ZBTB7C: variants seen among roughly 807,000 people sequenced by gnomAD.
ZBTB7C encodes the protein zinc finger and BTB domain-containing protein 7C.
ZBTB7C carries 8 observed loss-of-function variants against 25.7 expected under a neutral mutation model. The observed-to-expected ratio is 0.31, with a 90% CI of 0.18 to 0.56. The LOEUF is 0.56. Ranked by LOEUF, ZBTB7C falls within the 20% of genes least tolerant of loss-of-function variation. ZBTB7C has a pLI of 0.91. For synonymous variants in ZBTB7C, 394 were observed against 369.0 expected (o/e 1.07, Z -0.78); for missense variants, 824 against 855.2 (o/e 0.96, Z 0.46).
At chr18:48,231,940 G>A (rs899909178) in intron 2 of ZBTB7C, among the ~76,000 whole-genome samples, 2 of 152,194 alleles carry the variant, frequency 1.3e-5, no homozygotes, top group Non-Finnish European at 2.9e-5. Context: ...CCAGTGCCTG[G>A]TGCTGCCCAC....
At chr18:48,202,359 A>C (rs984680512) in intron 2 of ZBTB7C, among the ~76,000 whole-genome samples, 13 of 152,016 alleles carry the variant, frequency 8.6e-5, no homozygotes, top group African/African-American at 3.1e-4. Flanking sequence ...TTAGAGATGG[A>C]ACTCAGAATG....
chr18:48,063,723 G>A (rs140627300), intron 3 of ZBTB7C, among the ~76,000 whole-genome samples: 132 of 152,332 alleles, frequency 8.7e-4, no homozygotes, highest in African/African-American at 2.4e-3. Flanking sequence ...CTTGAGAGGT[G>A]TATGGGGCTA....
intron 2 of ZBTB7C, among the ~76,000 whole-genome samples, chr18:48,316,881 G>A (rs1374272486): frequency 6.6e-6 from 1 of 152,210 alleles, no homozygotes; most frequent in East Asian, 1.9e-4. Flanking sequence ...CTGGGCCTCA[G>A]TTTCCGACCC....
chr18:48,153,673 G>T (rs997333132), intron 3 of ZBTB7C, among the ~76,000 whole-genome samples: 1 of 152,212 alleles, frequency 6.6e-6, no homozygotes, highest in Non-Finnish European at 1.5e-5. Flanking sequence ...AGGGGCACTG[G>T]CCACTGGCCA....
At chr18:48,199,178 A>G (rs2042380819) in intron 2 of ZBTB7C, among the ~76,000 whole-genome samples, 1 of 152,104 alleles carries the variant, frequency 6.6e-6, no homozygotes. Flanking sequence ...TATCTCTAGT[A>G]TTCTGAAATT....
intron 2 of ZBTB7C, among the ~76,000 whole-genome samples, chr18:48,304,862 A>AAAAAAAAAT: frequency 6.6e-6 from 1 of 151,484 alleles, no homozygotes; most frequent in Admixed American, 6.6e-5. Context: ...AAAAAAAAAA[A>AAAAAAAAAT]AGATAGCCTT....
In ZBTB7C at chr18:48,028,705, C is replaced by T. The variant is rs2035602265; in HGVS notation, c.*555G>A. ...GGCCCGGGCCTTCCAGAGCCTGGTTCCTGACTGGTTCCAGGAGGCCTCCCT... is the reference window on the plus strand; with the variant it reads ...GGCCCGGGCCTTCCAGAGCCTGGTTTCTGACTGGTTCCAGGAGGCCTCCCT... On this transcript the variant is annotated 3_prime_UTR_variant, in exon 5 of 5. Transcript: ENST00000590800. 6.5e-6 allele frequency: 1 copy of T among 154,580 alleles called. No individual in the cohort carries two copies. Among genetic ancestry groups the T allele is most frequent in the African/African-American group, 2.4e-5 (1 of 41,428 alleles). The allele number at this position is 154,580 out of a possible 1,614,324, so 9.6% of individuals were successfully genotyped here.
At chr18:48,267,810 G>C (rs535244781) in intron 2 of ZBTB7C, among the ~76,000 whole-genome samples, 45 of 152,308 alleles carry the variant, frequency 3.0e-4, no homozygotes, top group African/African-American at 1.1e-3. Flanking sequence ...ACAGCTGGTT[G>C]TAAGCCAGCG....
chr18:48,137,859 CCAAA>C (rs1306764359), intron 3 of ZBTB7C, among the ~76,000 whole-genome samples: 1 of 152,224 alleles, frequency 6.6e-6, no homozygotes, highest in Non-Finnish European at 1.5e-5. Context: ...AGAGGTGTGG[CCAAA>C]CACCCTCTCC....
chr18:48,123,619 T>G (rs777929234), intron 3 of ZBTB7C, among the ~76,000 whole-genome samples: 1 of 152,086 alleles, frequency 6.6e-6, no homozygotes, highest in Non-Finnish European at 1.5e-5. Flanking sequence ...CTAACAAACA[T>G]CCTGCATGTT....
At chr18:48,297,386 G>A (rs1018163988) in intron 2 of ZBTB7C, among the ~76,000 whole-genome samples, 2 of 152,116 alleles carry the variant, frequency 1.3e-5, no homozygotes, top group Admixed American at 1.3e-4. Flanking sequence ...AGAAGTCCCT[G>A]AGGGCCCGTT....
chr18:48,388,677 AG>A (rs2047807059), intron 1 of ZBTB7C, among the ~76,000 whole-genome samples: 1 of 152,198 alleles, frequency 6.6e-6, no homozygotes, highest in Non-Finnish European at 1.5e-5. Flanking sequence ...TGAGCCCAGG[AG>A]GTCAAAGCTA....
intron 2 of ZBTB7C, among the ~76,000 whole-genome samples, chr18:48,255,208 G>A (rs953973711): frequency 3.9e-5 from 6 of 152,054 alleles, no homozygotes; most frequent in African/African-American, 1.4e-4. Flanking sequence ...GGAAAATATG[G>A]CCCATATTAA....
At chr18:48,098,163 T>A (rs143783190) in intron 3 of ZBTB7C, among the ~76,000 whole-genome samples, 199 of 152,272 alleles carry the variant, frequency 1.3e-3, no homozygotes, top group African/African-American at 4.7e-3. Flanking sequence ...GAGGGAGTGA[T>A]TCACTCTGAC....
At chr18:48,355,604 C>G (rs983327106) in intron 1 of ZBTB7C, among the ~76,000 whole-genome samples, 1 of 152,200 alleles carries the variant, frequency 6.6e-6, no homozygotes, top group Non-Finnish European at 1.5e-5. Flanking sequence ...CCTGAGCATG[C>G]TCCTTTACCA....
At chr18:48,164,388 C>G (rs181111741) in intron 3 of ZBTB7C, among the ~76,000 whole-genome samples, 1 of 152,270 alleles carries the variant, frequency 6.6e-6, no homozygotes, top group Admixed American at 6.5e-5. Context: ...TTTGTTCATG[C>G]TCTTTTGGCA....
chr18:48,302,233 A>C (rs2045561746), intron 2 of ZBTB7C, among the ~76,000 whole-genome samples: 1 of 152,166 alleles, frequency 6.6e-6, no homozygotes, highest in Non-Finnish European at 1.5e-5. Context: ...CAGGCCAGTG[A>C]GGAGAGTGGA....
chr18:48,086,757 T>A (rs554521265), intron 3 of ZBTB7C, among the ~76,000 whole-genome samples: 62 of 152,354 alleles, frequency 4.1e-4, no homozygotes, highest in African/African-American at 1.4e-3. Flanking sequence ...GGCTTAGTAC[T>A]TATTGTTAAG....
At chr18:48,251,274 C>T (rs926638823) in intron 2 of ZBTB7C, among the ~76,000 whole-genome samples, 4 of 151,846 alleles carry the variant, frequency 2.6e-5, no homozygotes, top group Non-Finnish European at 2.9e-5. Flanking sequence ...TTGAACAAAA[C>T]AAACAAGTCT....
Sources: gnomAD v4.1 joint callset for allele counts (sites outside exome capture counted in the v4.1 genomes callset) on GRCh38, gnomAD v4.1.1 for gene constraint, MANE v1.5 for transcripts, NCBI Gene and HGNC (gene_info 2026-07-23, HGNC 2026-07-21) for gene names.